DIP2C: variants seen among roughly 807,000 people sequenced by gnomAD.
DIP2C encodes the protein DIP2 acetate--CoA ligase C (putative), also known as disco-interacting protein 2 homolog C.
In DIP2C, 33 loss-of-function variants were observed where a neutral mutation model predicts 192.4. The ratio of observed to expected loss-of-function variants is 0.17; its 90% CI spans 0.13 to 0.23. The LOEUF (loss-of-function observed/expected upper bound fraction) is 0.23, where lower values mean the gene tolerates loss of function less well. Ranked by LOEUF, DIP2C falls within the 10% of genes least tolerant of loss-of-function variation. The pLI is 1.00. For missense variants in DIP2C, 1,537 were observed against 2,110.1 expected (o/e 0.73, Z 5.32); for synonymous variants, 979 against 864.1 (o/e 1.13, Z -2.33).
chr10:532,349 C>A (rs142225225), intron 1 of DIP2C, among the ~76,000 whole-genome samples: 1 of 152,294 alleles, frequency 6.6e-6, no homozygotes, highest in Non-Finnish European at 1.5e-5. Context: ...CCTGGACAGA[C>A]CCTTCTCAAA....
chr10:408,144 C>T (rs1200387376), intron 9 of DIP2C, among the ~76,000 whole-genome samples: 1 of 150,368 alleles, frequency 6.7e-6, no homozygotes, highest in African/African-American at 2.5e-5. Context: ...TAAACATCCG[C>T]CTTCATTCTC....
intron 8 of DIP2C, among the ~76,000 whole-genome samples, chr10:413,246 C>T (rs1385263040): frequency 3.3e-5 from 5 of 152,220 alleles, no homozygotes; most frequent in South Asian, 2.1e-4. Flanking sequence ...TCTCTGCTAC[C>T]GTTAACCATG....
At chr10:669,323 GC>G (rs966900672) in intron 1 of DIP2C, 1 of 152,330 alleles carries the variant, frequency 6.6e-6, no homozygotes, top group African/African-American at 2.4e-5. Flanking sequence ...GCAAGGGGGT[GC>G]GGGGGGAGGA....
intron 29 of DIP2C, among the ~76,000 whole-genome samples, chr10:334,851 C>T (rs532512638): frequency 7.2e-5 from 11 of 152,258 alleles, no homozygotes; most frequent in African/African-American, 2.6e-4. Context: ...TTTTTGAAAT[C>T]AGGAATGAGA....
At chr10:607,469 A>G (rs746299287) in intron 1 of DIP2C, among the ~76,000 whole-genome samples, 6 of 152,162 alleles carry the variant, frequency 3.9e-5, no homozygotes, top group Non-Finnish European at 8.8e-5. Context: ...AACATCAGAG[A>G]CGTTATATCT....
At position 364,369 on chromosome 10, in the gene DIP2C, C is replaced by G; in HGVS notation, c.2477+5G>C. Reference sequence around the variant, plus strand: ...CATATGCTTGATTTGCAGAACGCCACTGACCTTCCCCGGTAGACAAACTTC... The same window carrying G: ...CATATGCTTGATTTGCAGAACGCCAGTGACCTTCCCCGGTAGACAAACTTC... On this transcript the variant is annotated splice_donor_5th_base_variant and intron_variant, in intron 20 of 36. Transcript: ENST00000280886. The G allele has an allele frequency of 6.2e-7, 1 of 1,607,668 alleles. No individual in the cohort carries two copies. Among genetic ancestry groups the G allele is most frequent in the Non-Finnish European group, 8.5e-7 (1 of 1,174,742 alleles).
chr10:480,954 A>C (rs967799424), intron 2 of DIP2C, among the ~76,000 whole-genome samples: 2 of 152,168 alleles, frequency 1.3e-5, no homozygotes, highest in Non-Finnish European at 2.9e-5. Context: ...TTAAGTTTAA[A>C]ACACCCTTAC....
intron 31 of DIP2C, among the ~76,000 whole-genome samples, chr10:318,446 C>T (rs914487082): frequency 6.6e-6 from 1 of 152,168 alleles, no homozygotes; most frequent in Non-Finnish European, 1.5e-5. Context: ...GGGGAAGTCT[C>T]GTGTCCAGGA....
At chr10:643,217 C>CAAAA (rs59131339) in intron 1 of DIP2C, among the ~76,000 whole-genome samples, 1 of 99,538 alleles carries the variant, frequency 1.0e-5, no homozygotes, top group Non-Finnish European at 2.3e-5. Context: ...GACTCCGTCT[C>CAAAA]AAAAAAAAAA....
intron 3 of DIP2C, among the ~76,000 whole-genome samples, chr10:447,974 G>T (rs1199805895): frequency 2.0e-5 from 2 of 100,902 alleles, no homozygotes; most frequent in African/African-American, 9.4e-5. Context: ...CACCCCCGTT[G>T]ATATTCAGGA....
chr10:405,977 C>T (rs763491060), intron 9 of DIP2C, among the ~76,000 whole-genome samples: 3 of 152,144 alleles, frequency 2.0e-5, no homozygotes, highest in Non-Finnish European at 4.4e-5. Context: ...AGAAAAGTAG[C>T]GCCTTCACCC....
At chr10:599,838 T>C (rs1214078424) in intron 1 of DIP2C, among the ~76,000 whole-genome samples, 1 of 152,174 alleles carries the variant, frequency 6.6e-6, no homozygotes, top group Non-Finnish European at 1.5e-5. Context: ...CTTTCCTCCA[T>C]GCACTGAGGA....
At chr10:632,224 A>T (rs1160141252) in intron 1 of DIP2C, among the ~76,000 whole-genome samples, 1 of 152,276 alleles carries the variant, frequency 6.6e-6, no homozygotes, top group Non-Finnish European at 1.5e-5. Flanking sequence ...GCGGTGGCCC[A>T]GTATAGGTCA....
rs567396496 is a variant in DIP2C, at chr10:501,245, T to C, written c.86-14715A>G. Among the ~76,000 whole-genome samples the C allele has an allele frequency of 9.2e-5, 14 of 152,316 alleles. No homozygotes were observed. The East Asian group carries it at 1.2e-3, about 13-fold the overall frequency. Reference sequence around the variant, plus strand: ...CTAGCTATTTAAATAATAATGTTGATAGTACACACTTTAGTTTGTGGAAAC... The same window carrying C: ...CTAGCTATTTAAATAATAATGTTGACAGTACACACTTTAGTTTGTGGAAAC... On this transcript the variant is annotated intron_variant, in intron 1 of 36. Coordinates refer to ENST00000280886, the MANE Select transcript of DIP2C (RefSeq NM_014974.3).
intron 1 of DIP2C, among the ~76,000 whole-genome samples, chr10:551,009 G>A (rs1848556769): frequency 6.6e-6 from 1 of 151,638 alleles, no homozygotes; most frequent in Admixed American, 6.6e-5. Flanking sequence ...GGCTTCCCCG[G>A]GCCTCGATTT....
intron 2 of DIP2C, among the ~76,000 whole-genome samples, chr10:479,063 G>T (rs1843393953): frequency 6.6e-6 from 1 of 152,168 alleles, no homozygotes; most frequent in Admixed American, 6.6e-5. Flanking sequence ...GGATTTTTCT[G>T]TATTTTCAGG....
Position 384,011 on chromosome 10 carries a change from C to G in DIP2C, c.1876+16G>C. 1 of 1,529,092 alleles carries G rather than the reference C, an allele frequency of 6.5e-7. No individual in the cohort carries two copies. The highest frequency in any genetic ancestry group is 8.7e-7 in the Non-Finnish European group (1 of 1,146,758). The allele number at this position is 1,529,092 out of a possible 1,614,324, so 94.7% of individuals were successfully genotyped here. ...ACAGCCCGCCTGCCTCACGAGATCA[C>G]ACGCTCCTCACTTACAGGGGTTCGC... On this transcript the variant is annotated intron_variant, in intron 16 of 36. Transcript: ENST00000280886.
intron 2 of DIP2C, among the ~76,000 whole-genome samples, chr10:477,931 G>GAAAGAAGGAAGGA (rs1196133258): frequency 1.9e-5 from 2 of 105,386 alleles, no homozygotes; most frequent in African/African-American, 7.9e-5. Flanking sequence ...AAAAGAGAGG[G>GAAAGAAGGAAGGA]AAAGAAGGAA....
At chr10:662,693 G>A (rs1856832822) in intron 1 of DIP2C, 5 of 553,766 alleles carry the variant, frequency 9.0e-6, no homozygotes, top group Non-Finnish European at 1.6e-5. Context: ...ATCAAATTAG[G>A]TATGGGCAGA....
Sources: gnomAD v4.1 joint callset for allele counts (sites outside exome capture counted in the v4.1 genomes callset) on GRCh38, gnomAD v4.1.1 for gene constraint, MANE v1.5 for transcripts, NCBI Gene and HGNC (gene_info 2026-07-23, HGNC 2026-07-21) for gene names.